FAM135A: variants seen among roughly 807,000 people sequenced by gnomAD.
FAM135A encodes the protein family with sequence similarity 135 member A, also known as protein FAM135A.
In FAM135A, 79 loss-of-function variants were observed where a neutral mutation model predicts 146.8. The ratio of observed to expected loss-of-function variants is 0.54; its 90% CI spans 0.45 to 0.65. The LOEUF (loss-of-function observed/expected upper bound fraction) is 0.65. FAM135A is among the 30% of genes least tolerant of loss of function. The pLI, the probability that FAM135A is intolerant of heterozygous loss-of-function variation, is 0.00. For missense variants in FAM135A, 1,623 were observed against 1,758.2 expected (o/e 0.92, Z 1.38); for synonymous variants, 562 against 603.6 (o/e 0.93, Z 1.01).
At chr6:70,470,355 A>G (rs1041699484) in intron 5 of FAM135A, among the ~76,000 whole-genome samples, 5 of 151,058 alleles carry the variant, frequency 3.3e-5, no homozygotes, top group African/African-American at 1.2e-4. Flanking sequence ...AAATCCTACT[A>G]TTACTTCTTT....
At position 70,561,015 on chromosome 6, in the gene FAM135A, C is replaced by T. The variant is rs1801793158; in HGVS notation, c.*1094C>T. ...TGTTTTACTTGTGAAAATAAAAATG[C>T]ACTAAGGTTGGGTAGAAGTTCTGTT... On this transcript the variant is annotated 3_prime_UTR_variant, in exon 22 of 22. Coordinates refer to ENST00000418814, the MANE Select transcript of FAM135A (RefSeq NM_001162529.3). The T allele has an allele frequency of 6.6e-6, 1 of 152,494 alleles. No individual in the cohort carries two copies. The highest frequency in any genetic ancestry group is 1.5e-5 in the Non-Finnish European group (1 of 67,978). The allele number at this position is 152,494 out of a possible 1,614,324, so 9.4% of individuals were successfully genotyped here. A position where few individuals can be genotyped will look rare whatever the true frequency, so the allele number is the denominator to read the frequency against.
intron 6 of FAM135A, 40 bp downstream of exon 6, chr6:70,475,589 G>A (rs756359587): frequency 1.3e-6 from 2 of 1,574,658 alleles, no homozygotes. Context: ...AATATTTTTT[G>A]TAATGCCTCA....
intron 10 of FAM135A, among the ~76,000 whole-genome samples, chr6:70,483,156 A>G (rs1399764355): frequency 6.6e-6 from 1 of 152,110 alleles, no homozygotes; most frequent in Non-Finnish European, 1.5e-5. Context: ...TTTCTACCCC[A>G]CTTAAATTCA....
intron 12 of FAM135A, among the ~76,000 whole-genome samples, chr6:70,513,025 A>G (rs567948917): frequency 6.6e-6 from 1 of 151,780 alleles, no homozygotes; most frequent in South Asian, 2.1e-4. Context: ...CATTTATTGA[A>G]AACACTTTTC....
chr6:70,491,019 C>T lies in FAM135A; in HGVS notation c.824-15C>T, dbSNP rs767395479. On this transcript the variant is annotated splice_polypyrimidine_tract_variant and intron_variant, in intron 10 of 21. Transcript: ENST00000418814. ...CTAACATTGGAATATTTCCTCTACT[C>T]TTTACTCCTTCCAGAGGAAATGGAT... The T allele has an allele frequency of 4.6e-5, 72 of 1,576,248 alleles. No homozygotes were observed. Among genetic ancestry groups the T allele is most frequent in the Non-Finnish European group, 6.0e-5 (70 of 1,160,808 alleles).
At chr6:70,543,079 T>C (rs996907305) in intron 20 of FAM135A, among the ~76,000 whole-genome samples, 2 of 152,232 alleles carry the variant, frequency 1.3e-5, no homozygotes, top group Non-Finnish European at 1.5e-5. Flanking sequence ...ACCATAGCTC[T>C]TCTAGTGTAC....
chr6:70,542,424 A>G (rs1313760669), intron 20 of FAM135A, among the ~76,000 whole-genome samples: 1 of 151,898 alleles, frequency 6.6e-6, no homozygotes, highest in Non-Finnish European at 1.5e-5. Context: ...TCTTTTCAGA[A>G]CTAATTCTGT....
rs577963521 is a variant in FAM135A, at chr6:70,435,632, G to A, written c.77+7213G>A. ...CCTCCCCGGATCAAGCAATTCTCCT[G>A]CCTCAGCCTCCTGAGTAGCTGGGAT... On this transcript the variant is annotated intron_variant, in intron 4 of 21. Transcript: ENST00000418814. 2.0e-5 allele frequency among the ~76,000 whole-genome samples: 3 copies of A among 152,018 alleles called. No individual in the cohort carries two copies. The East Asian group carries it at 5.8e-4, about 29-fold the overall frequency.
intron 12 of FAM135A, chr6:70,504,824 T>C (rs1198176376): frequency 1.3e-5 from 2 of 151,868 alleles, no homozygotes; most frequent in Admixed American, 6.6e-5. Flanking sequence ...AATACAAAAA[T>C]TATCCAGGCG....
In FAM135A at chr6:70,538,347, C is replaced by A; in HGVS notation, c.4174C>A (p.Arg1392=). ...KSGSLLQLTC[R]DHSDPRQTFL... ...AGGTTCGCTTTTGCAGCTGACATGT[C>A]GAGATCACTCAGACCCTCGCCAAAC... The change falls in exon 20 of 22, where the codon CGA becomes AGA. Residue 1392 remains arginine, a synonymous_variant. Transcript: ENST00000418814. The A allele has an allele frequency of 1.3e-6, 2 of 1,533,090 alleles. No homozygotes were observed. Among genetic ancestry groups the A allele is most frequent in the South Asian group, 1.3e-5 (1 of 76,572 alleles). 95.0% of individuals were successfully genotyped at this position (1,533,090 alleles called of 1,614,324 possible).
intron 12 of FAM135A, among the ~76,000 whole-genome samples, chr6:70,508,327 C>T (rs1790253726): frequency 6.6e-6 from 1 of 152,156 alleles, no homozygotes; most frequent in African/African-American, 2.4e-5. Flanking sequence ...GCAAGAGACA[C>T]ATGAAGAATT....
intron 5 of FAM135A, among the ~76,000 whole-genome samples, chr6:70,464,347 T>G (rs866277613): frequency 6.6e-6 from 1 of 152,212 alleles, no homozygotes; most frequent in African/African-American, 2.4e-5. Context: ...GATATTAAAT[T>G]AAGAAGTTAG....
intron 15 of FAM135A, 58 bp from the exon 16 acceptor site, chr6:70,528,234 G>A: frequency 1.4e-6 from 2 of 1,474,658 alleles, no homozygotes; most frequent in Non-Finnish European, 9.0e-7. Context: ...AAATTCAGGA[G>A]GGTTCTAACA....
At chr6:70,442,682 C>T (rs187942831) in intron 4 of FAM135A, among the ~76,000 whole-genome samples, 1 of 152,106 alleles carries the variant, frequency 6.6e-6, no homozygotes, top group African/African-American at 2.4e-5. Flanking sequence ...AGAGGTAACT[C>T]CTCTAAGTGT....
At chr6:70,557,227 T>G (rs1801019944) in intron 21 of FAM135A, 1 of 352,608 alleles carries the variant, frequency 2.8e-6, no homozygotes, top group African/African-American at 2.1e-5. Flanking sequence ...TCTTTACTGA[T>G]AGTAAATGAT....
At position 70,525,866 on chromosome 6, in the gene FAM135A, G is replaced by A. The variant is rs375463366; in HGVS notation, c.2782G>A (p.Glu928Lys). 6.8e-6 allele frequency: 11 copies of A among 1,611,798 alleles called. No individual in the cohort carries two copies. The highest frequency in any genetic ancestry group is 9.3e-6 in the Non-Finnish European group (11 of 1,179,264). The change falls in exon 15 of 22, where the codon GAA (glutamate) becomes AAA (lysine). Residue 928 changes from glutamate to lysine, a missense_variant. Transcript: ENST00000418814. ...KDPLQFVFSD[E>K]ETSSDVKSSC... ...CCCTTTACAATTTGTTTTTTCAGAT[G>A]AAGAGACTTCCAGTGATGTGAAAAG...
In FAM135A at chr6:70,428,456, A is replaced by G. The variant is rs201422912; in HGVS notation, c.77+37A>G. 1.1e-4 allele frequency: 163 copies of G among 1,437,516 alleles called. No individual in the cohort carries two copies. In the African/African-American group the frequency reaches 2.2e-3, roughly 20 times the overall value. The allele number at this position is 1,437,516 out of a possible 1,614,324, so 89.0% of individuals were successfully genotyped here. A position where few individuals can be genotyped will look rare whatever the true frequency, so the allele number is the denominator to read the frequency against. Reference sequence around the variant, plus strand: ...ATTGTGAAAATGATATATTTTGCATAAGATGTACAGTTTAAATTTAAATTT... The same window carrying G: ...ATTGTGAAAATGATATATTTTGCATGAGATGTACAGTTTAAATTTAAATTT... On this transcript the variant is annotated intron_variant, in intron 4 of 21. Transcript: ENST00000418814.
At chr6:70,482,922 T>C (rs1333967204) in intron 10 of FAM135A, among the ~76,000 whole-genome samples, 1 of 141,468 alleles carries the variant, frequency 7.1e-6, no homozygotes, top group Non-Finnish European at 1.6e-5. Flanking sequence ...TTAGAATATA[T>C]TGTTTTATAA....
intron 10 of FAM135A, among the ~76,000 whole-genome samples, chr6:70,484,246 C>A (rs1784229435): frequency 6.6e-6 from 1 of 152,136 alleles, no homozygotes; most frequent in Admixed American, 6.5e-5. Flanking sequence ...ATTCACCCAG[C>A]AAAATGGGGC....
Sources: allele counts gnomAD v4.1 joint callset (sites outside exome capture counted in the v4.1 genomes callset), GRCh38; gene constraint gnomAD v4.1.1; transcripts MANE v1.5; gene names NCBI Gene and HGNC (gene_info 2026-07-23, HGNC 2026-07-21).